Variants in NOL10 observed in about 807,000 individuals in gnomAD.
NOL10 encodes nucleolar protein 10.
A neutral mutation model predicts 103.5 loss-of-function variants in NOL10; 58 were observed. The observed-to-expected ratio is 0.56, with a 90% CI of 0.45 to 0.70. NOL10 has a LOEUF of 0.70. Among genes scored for constraint, NOL10 ranks in the 30% least tolerant of loss-of-function variants. NOL10 has a pLI of 0.00. For synonymous variants in NOL10, 287 were observed against 282.5 expected (o/e 1.02, Z -0.16); for missense variants, 763 against 807.3 (o/e 0.95, Z 0.67).
At chr2:10,669,511 T>TACAC (rs1344903922) in intron 6 of NOL10, among the ~76,000 whole-genome samples, 30 of 95,146 alleles carry the variant, frequency 3.2e-4, no homozygotes, top group Admixed American at 2.1e-3. Context: ...CACACACATA[T>TACAC]ATACACACAC....
At chr2:10,684,427 A>G in intron 2 of NOL10, 140 bp downstream of exon 2, 1 of 689,318 alleles carries the variant, frequency 1.5e-6, no homozygotes, top group Non-Finnish European at 2.4e-6. Context: ...AGGAAAAAAA[A>G]GAAAAGGGAC....
At chr2:10,678,846 G>A (rs1681513031) in intron 3 of NOL10, among the ~76,000 whole-genome samples, 1 of 152,114 alleles carries the variant, frequency 6.6e-6, no homozygotes, top group African/African-American at 2.4e-5. Context: ...AGTCAAACCA[G>A]GACTCTGGAC....
intron 19 of NOL10, among the ~76,000 whole-genome samples, chr2:10,578,437 CTCTT>C (rs1674587060): frequency 6.6e-6 from 1 of 152,224 alleles, no homozygotes; most frequent in Non-Finnish European, 1.5e-5. Flanking sequence ...ACTTGACTTA[CTCTT>C]TCTGACATAC....
intron 2 of NOL10, among the ~76,000 whole-genome samples, chr2:10,682,795 CT>C (rs959010867): frequency 2.0e-5 from 3 of 149,510 alleles, no homozygotes; most frequent in Admixed American, 1.3e-4. Context: ...TCTCCAAACT[CT>C]TTTTTTTTGA....
intron 19 of NOL10, among the ~76,000 whole-genome samples, chr2:10,586,297 G>A (rs1675019575): frequency 6.6e-6 from 1 of 151,892 alleles, no homozygotes; most frequent in African/African-American, 2.4e-5. Context: ...TGAACTGCAT[G>A]CTTTAAGCAG....
intron 13 of NOL10, among the ~76,000 whole-genome samples, chr2:10,612,262 C>G (rs1572287879): frequency 6.6e-6 from 1 of 152,112 alleles, no homozygotes; most frequent in African/African-American, 2.4e-5. Flanking sequence ...TGAAGATTAC[C>G]AGATAAATGG....
At chr2:10,656,743 G>A (rs759398) in intron 11 of NOL10, among the ~76,000 whole-genome samples, 34,171 of 152,082 alleles carry the variant, frequency 0.22, 4,121 homozygotes, top group South Asian at 0.47. Flanking sequence ...CCGTCCACCC[G>A]ACTTCATCAC....
chr2:10,653,998 C>A (rs944882062), intron 12 of NOL10, among the ~76,000 whole-genome samples: 10 of 152,132 alleles, frequency 6.6e-5, no homozygotes, highest in African/African-American at 2.2e-4. Context: ...GCCTTGAATG[C>A]ACTGTTAAAT....
chr2:10,635,671 AC>A (rs1171556912), intron 13 of NOL10, among the ~76,000 whole-genome samples: 1 of 152,142 alleles, frequency 6.6e-6, no homozygotes, highest in African/African-American at 2.4e-5. Flanking sequence ...ACCACCCCTC[AC>A]CTAGATTGTA....
In NOL10 at chr2:10,659,156, A is replaced by G. The variant is rs1391670678; in HGVS notation, c.756+16T>C. 4.5e-6 allele frequency: 7 copies of G among 1,568,420 alleles called. No individual in the cohort carries two copies. The highest frequency in any genetic ancestry group is 3.3e-4 in the Middle Eastern group (2 of 6,034). ...AATACCAACTTACATGTGGTTTCCA[A>G]ATTAAACATATTTACCTGCCCTGTG... On this transcript the variant is annotated intron_variant, in intron 10 of 20. Transcript: ENST00000381685.
At chr2:10,607,776 T>TATTATTA in intron 13 of NOL10, among the ~76,000 whole-genome samples, 1 of 150,096 alleles carries the variant, frequency 6.7e-6, no homozygotes, top group Admixed American at 6.7e-5. Context: ...TTATTATTAT[T>TATTATTA]TTGTAGAGAT....
intron 7 of NOL10, among the ~76,000 whole-genome samples, chr2:10,668,398 T>A (rs893412228): frequency 6.7e-6 from 1 of 150,266 alleles, no homozygotes; most frequent in African/African-American, 2.5e-5. Context: ...TAAAGAACAC[T>A]ACAAGTAATA....
intron 12 of NOL10, among the ~76,000 whole-genome samples, chr2:10,644,892 A>ATC (rs1678946171): frequency 6.6e-6 from 1 of 152,236 alleles, no homozygotes; most frequent in African/African-American, 2.4e-5. Context: ...GTATTCAAAT[A>ATC]TCTCGGTTTT....
At chr2:10,603,397 T>C (rs1285179708) in intron 14 of NOL10, among the ~76,000 whole-genome samples, 1 of 152,176 alleles carries the variant, frequency 6.6e-6, no homozygotes, top group East Asian at 1.9e-4. Flanking sequence ...CCTTATGAAC[T>C]AAGACAAAGA....
intron 13 of NOL10, among the ~76,000 whole-genome samples, chr2:10,620,205 C>A (rs1212373413): frequency 6.6e-6 from 1 of 152,132 alleles, no homozygotes; most frequent in African/African-American, 2.4e-5. Context: ...TCCTTGCAGG[C>A]AAAAGTGTTT....
intron 20 of NOL10, among the ~76,000 whole-genome samples, chr2:10,573,959 G>A (rs778318310): frequency 1.4e-4 from 21 of 152,012 alleles, no homozygotes; most frequent in African/African-American, 5.1e-4. Flanking sequence ...GCAACCGGAA[G>A]GATTTAAAAA....
chr2:10,628,028 G>A (rs547150472), intron 13 of NOL10, among the ~76,000 whole-genome samples: 2 of 151,988 alleles, frequency 1.3e-5, no homozygotes, highest in African/African-American at 4.8e-5. Flanking sequence ...TGTGAAAGGC[G>A]AGTGCTTCAC....
At chr2:10,580,220 G>T (rs1435489214) in intron 19 of NOL10, among the ~76,000 whole-genome samples, 1 of 152,190 alleles carries the variant, frequency 6.6e-6, no homozygotes, top group Non-Finnish European at 1.5e-5. Context: ...ACTGCTGTAG[G>T]AACACCTGAA....
At chr2:10,637,161 T>C (rs1189426485) in intron 13 of NOL10, among the ~76,000 whole-genome samples, 1 of 119,028 alleles carries the variant, frequency 8.4e-6, no homozygotes, top group Non-Finnish European at 1.6e-5. Context: ...TGCACTCTAA[T>C]CTGGGCCACG....
Sources: gnomAD v4.1 joint callset for allele counts (sites outside exome capture counted in the v4.1 genomes callset) on GRCh38, gnomAD v4.1.1 for gene constraint, MANE v1.5 for transcripts, NCBI Gene and HGNC (gene_info 2026-07-23, HGNC 2026-07-21) for gene names.